Variants in SCARA5 observed in about 807,000 individuals in gnomAD.
SCARA5 encodes scavenger receptor class A member 5, also known as scavenger receptor class A, member 5 (putative).
In SCARA5, 45 loss-of-function variants were observed where a neutral mutation model predicts 46.3. That is an observed-to-expected ratio of 0.97 (90% CI 0.76 to 1.24). The LOEUF (loss-of-function observed/expected upper bound fraction) is 1.24. Ranked by LOEUF, SCARA5 falls within the 50% of genes most tolerant of loss-of-function variation. SCARA5 has a pLI of 0.00. For missense variants in SCARA5, 680 were observed against 689.0 expected (o/e 0.99, Z 0.15); for synonymous variants, 333 against 306.5 (o/e 1.09, Z -0.90).
chr8:27,916,357 A>T (rs2727008), intron 4 of SCARA5, among the ~76,000 whole-genome samples: 1 of 152,076 alleles, frequency 6.6e-6, no homozygotes, highest in Non-Finnish European at 1.5e-5. Context: ...ATGTATATAC[A>T]TGTGCATGTG....
rs575353683 is a variant in SCARA5 at position 27,927,479 on chromosome 8, A to G, written c.242-5234T>C. On this transcript the variant is annotated intron_variant, in intron 3 of 8. Coordinates refer to ENST00000354914, the MANE Select transcript of SCARA5 (RefSeq NM_173833.6). ...GTTCATATGCATATTCAATCTTTAT[A>G]ATTTGATTTCTGGGTTTTTTCCCAC... Among the ~76,000 whole-genome samples, 9 of 152,244 alleles carry G rather than the reference A, an allele frequency of 5.9e-5. No homozygotes were observed. In the South Asian group the frequency reaches 1.7e-3, roughly 28 times the overall value.
In SCARA5 at chr8:27,879,570, T is replaced by C; in HGVS notation, c.1350A>G (p.Gln450=). Residue 450 remains glutamine (Q), a splice_region_variant and synonymous_variant, in exon 8 of 9, where the codon CAA becomes CAG. Transcript: ENST00000354914. ...TTTTTTGCCCTCAGAGCGCCTTACC[T>C]TGCCCGAATCGAGCTGTGCGGTACA... ...EEVYRTARFG[Q]GTGRIWMDDV... 6.2e-7 allele frequency: 1 copy of C among 1,606,266 alleles called. No homozygotes were observed. Among genetic ancestry groups the C allele is most frequent in the Non-Finnish European group, 8.5e-7 (1 of 1,179,878 alleles).
chr8:27,905,523 TGG>T (rs5890392), intron 6 of SCARA5, among the ~76,000 whole-genome samples: 1 of 53,638 alleles, frequency 1.9e-5, no homozygotes, highest in Non-Finnish European at 5.1e-5. Flanking sequence ...ATCCAAGATT[TGG>T]GGGGGGGAAA....
chr8:27,930,185 T>C (rs1201581851), intron 3 of SCARA5, among the ~76,000 whole-genome samples: 1 of 152,110 alleles, frequency 6.6e-6, no homozygotes, highest in Non-Finnish European at 1.5e-5. Context: ...TTTCCATGTG[T>C]TGTGGGAGGC....
chr8:27,923,297 G>A (rs182567245), intron 3 of SCARA5, among the ~76,000 whole-genome samples: 58 of 152,280 alleles, frequency 3.8e-4, no homozygotes, highest in African/African-American at 1.3e-3. Flanking sequence ...CTGCTCACGT[G>A]CTGTGCCAAC....
Position 27,871,697 on chromosome 8 carries a change from G to T in SCARA5, c.*237C>A. On this transcript the variant is annotated 3_prime_UTR_variant, in exon 9 of 9. Transcript: ENST00000354914. ...GATCCAGTTGATCAGGGCTCCTCAT[G>T]CAGGAACCTGGTGGAAGAGAGAGAC... 6.5e-6 allele frequency: 9 copies of T among 1,384,594 alleles called. No individual in the cohort carries two copies. Among genetic ancestry groups the T allele is most frequent in the Non-Finnish European group, 8.4e-6 (9 of 1,068,920 alleles). 85.8% of individuals were successfully genotyped at this position (1,384,594 alleles called of 1,614,324 possible).
intron 4 of SCARA5, among the ~76,000 whole-genome samples, chr8:27,910,768 C>T (rs979812486): frequency 6.6e-6 from 1 of 152,192 alleles, no homozygotes; most frequent in African/African-American, 2.4e-5. Context: ...AGGAAGAGGC[C>T]AGCGTCATGC....
At chr8:27,948,200 G>A (rs1040129560) in intron 3 of SCARA5, among the ~76,000 whole-genome samples, 6 of 152,252 alleles carry the variant, frequency 3.9e-5, no homozygotes, top group Middle Eastern at 3.4e-3. Flanking sequence ...GGGTGGGGTC[G>A]GGGGTGGAGG....
At chr8:27,921,284 GA>G (rs1807579103) in intron 4 of SCARA5, among the ~76,000 whole-genome samples, 1 of 152,210 alleles carries the variant, frequency 6.6e-6, no homozygotes, top group Non-Finnish European at 1.5e-5. Context: ...GCCACAACTG[GA>G]GCAAACTCTC....
chr8:27,927,749 A>G (rs1299700797), intron 3 of SCARA5, among the ~76,000 whole-genome samples: 1 of 152,170 alleles, frequency 6.6e-6, no homozygotes, highest in Non-Finnish European at 1.5e-5. Flanking sequence ...AGGCATGGAC[A>G]TTTTTATGAC....
At chr8:27,983,936 T>C (rs1808661403) in intron 2 of SCARA5, among the ~76,000 whole-genome samples, 1 of 152,086 alleles carries the variant, frequency 6.6e-6, no homozygotes, top group African/African-American at 2.4e-5. Flanking sequence ...TCTTCCCACC[T>C]CTCGCCCTCC....
intron 2 of SCARA5, among the ~76,000 whole-genome samples, chr8:27,981,674 A>G (rs923672336): frequency 2.0e-5 from 3 of 152,206 alleles, no homozygotes; most frequent in Non-Finnish European, 4.4e-5. Context: ...GCCCTGACAC[A>G]CTGCAACACG....
At chr8:27,906,996 A>T (rs1807272950) in intron 6 of SCARA5, 152 bp downstream of exon 6, 1 of 507,908 alleles carries the variant, frequency 2.0e-6, no homozygotes, top group Admixed American at 3.4e-5. Flanking sequence ...TGGAGGAAAA[A>T]CTAAATGCTT....
At chr8:27,959,710 C>G (rs1313763943) in intron 3 of SCARA5, among the ~76,000 whole-genome samples, 1 of 152,178 alleles carries the variant, frequency 6.6e-6, no homozygotes, top group African/African-American at 2.4e-5. Flanking sequence ...GAACTAGAAA[C>G]AGTGTATGGG....
chr8:27,901,987 G>T (rs556328244), intron 7 of SCARA5, among the ~76,000 whole-genome samples: 1 of 152,122 alleles, frequency 6.6e-6, no homozygotes, highest in African/African-American at 2.4e-5. Flanking sequence ...TTTGTTCTAC[G>T]ATTCCTCTGG....
intron 3 of SCARA5, among the ~76,000 whole-genome samples, chr8:27,928,340 C>T (rs1413743475): frequency 3.9e-5 from 6 of 152,228 alleles, no homozygotes. Flanking sequence ...AATGGGAAAG[C>T]AGATCATAGA....
At chr8:27,980,077 A>G (rs1808590328) in intron 2 of SCARA5, among the ~76,000 whole-genome samples, 1 of 152,122 alleles carries the variant, frequency 6.6e-6, no homozygotes. Flanking sequence ...GAGGGAGGAG[A>G]GAGGGGAGGA....
At chr8:27,892,380 A>C (rs553518745) in intron 7 of SCARA5, among the ~76,000 whole-genome samples, 1 of 152,160 alleles carries the variant, frequency 6.6e-6, no homozygotes, top group Non-Finnish European at 1.5e-5. Flanking sequence ...GGGACTGGAA[A>C]AGCCTGAAGA....
At chr8:27,962,142 A>G (rs1333826612) in intron 3 of SCARA5, among the ~76,000 whole-genome samples, 2 of 152,202 alleles carry the variant, frequency 1.3e-5, no homozygotes, top group African/African-American at 2.4e-5. Flanking sequence ...TAACACAAAA[A>G]TGCTTTCCTG....
Sources: allele counts gnomAD v4.1 joint callset (sites outside exome capture counted in the v4.1 genomes callset), GRCh38; gene constraint gnomAD v4.1.1; transcripts MANE v1.5; gene names NCBI Gene and HGNC (gene_info 2026-07-23, HGNC 2026-07-21).